Variants in ROBO1 observed in about 807,000 individuals in gnomAD.
The protein encoded by ROBO1 is roundabout homolog 1.
In ROBO1, 149 loss-of-function variants were observed where a neutral mutation model predicts 195.9. The ratio of observed to expected loss-of-function variants is 0.76; its 90% CI spans 0.67 to 0.87. The LOEUF (loss-of-function observed/expected upper bound fraction) is 0.87. Ranked by LOEUF, ROBO1 falls within the 40% of genes least tolerant of loss-of-function variation. The pLI, the probability that ROBO1 is intolerant of heterozygous loss-of-function variation, is 0.00. For synonymous variants in ROBO1, 816 were observed against 733.2 expected (o/e 1.11, Z -1.82); for missense variants, 1,933 against 2,068.3 (o/e 0.93, Z 1.27).
intron 1 of ROBO1, among the ~76,000 whole-genome samples, chr3:79,667,357 A>T (rs780849759): frequency 1.6e-4 from 24 of 151,838 alleles, no homozygotes; most frequent in Non-Finnish European, 2.9e-4. Context: ...TTTTCTTCTA[A>T]TCCAGTCTGT....
At chr3:79,218,397 A>C (rs1033200069) in intron 2 of ROBO1, among the ~76,000 whole-genome samples, 2 of 151,962 alleles carry the variant, frequency 1.3e-5, no homozygotes, top group Non-Finnish European at 2.9e-5. Context: ...CATTTCATGC[A>C]TGTATAGTAC....
At chr3:79,265,684 C>G (rs1411622170) in intron 2 of ROBO1, among the ~76,000 whole-genome samples, 3 of 151,338 alleles carry the variant, frequency 2.0e-5, no homozygotes, top group Admixed American at 2.0e-4. Context: ...CTTCATTTTT[C>G]AATCGAATAT....
chr3:78,948,747 T>C (rs904611795), intron 3 of ROBO1, among the ~76,000 whole-genome samples: 3 of 152,212 alleles, frequency 2.0e-5, no homozygotes, highest in Admixed American at 6.5e-5. Context: ...GATGACATGA[T>C]TGTATATCTA....
Position 78,631,154 on chromosome 3 carries a change from C to A in ROBO1, c.3626+7G>T, listed in dbSNP as rs756473920. 6.2e-7 allele frequency: 1 copy of A among 1,608,174 alleles called. No homozygotes were observed. On this transcript the variant is annotated splice_region_variant and intron_variant, in intron 25 of 30. Transcript: ENST00000464233. ...ACTGTTTACATCTGTTTGGATGCTC[C>A]TCTTACCTTTCATCTACAGAAATGT...
At chr3:79,302,503 A>G (rs1235357623) in intron 2 of ROBO1, among the ~76,000 whole-genome samples, 1 of 152,208 alleles carries the variant, frequency 6.6e-6, no homozygotes. Flanking sequence ...TATTTTATAC[A>G]TTCTGTGTAG....
chr3:78,972,774 C>T (rs111278275), intron 3 of ROBO1, among the ~76,000 whole-genome samples: 3 of 152,086 alleles, frequency 2.0e-5, no homozygotes, highest in Non-Finnish European at 2.9e-5. Context: ...TTCCATTCCT[C>T]GATCACAGTG....
chr3:79,420,398 A>G (rs1171639585), intron 2 of ROBO1, among the ~76,000 whole-genome samples: 1 of 152,116 alleles, frequency 6.6e-6, no homozygotes, highest in East Asian at 1.9e-4. Flanking sequence ...TCCATATCAA[A>G]TTTAGTGTTT....
At chr3:78,729,477 C>A (rs776860082) in intron 5 of ROBO1, among the ~76,000 whole-genome samples, 1 of 152,128 alleles carries the variant, frequency 6.6e-6, no homozygotes, top group Non-Finnish European at 1.5e-5. Flanking sequence ...CAATATGAAG[C>A]CTTGGGTATG....
At chr3:79,201,086 A>G (rs1039593388) in intron 2 of ROBO1, among the ~76,000 whole-genome samples, 2 of 151,800 alleles carry the variant, frequency 1.3e-5, no homozygotes, top group African/African-American at 2.4e-5. Flanking sequence ...TCCTTTACTT[A>G]TTCTTCTCAT....
At chr3:79,057,671 G>A (rs866889735) in intron 3 of ROBO1, among the ~76,000 whole-genome samples, 43 of 151,852 alleles carry the variant, frequency 2.8e-4, no homozygotes, top group Admixed American at 5.3e-4. Context: ...ACTGGATCTC[G>A]CTTACAATGG....
At chr3:78,841,777 A>G (rs1054313579) in intron 4 of ROBO1, among the ~76,000 whole-genome samples, 1 of 152,180 alleles carries the variant, frequency 6.6e-6, no homozygotes, top group East Asian at 1.9e-4. Context: ...CATACCAATC[A>G]ATAAGAAAAA....
intron 4 of ROBO1, among the ~76,000 whole-genome samples, chr3:78,900,005 CTA>C (rs1263764988): frequency 6.6e-6 from 1 of 152,128 alleles, no homozygotes; most frequent in African/African-American, 2.4e-5. Flanking sequence ...TCTCTGGGTA[CTA>C]GTCAGAAAAG....
At chr3:79,187,392 G>A (rs1442426750) in intron 2 of ROBO1, among the ~76,000 whole-genome samples, 1 of 151,934 alleles carries the variant, frequency 6.6e-6, no homozygotes, top group Non-Finnish European at 1.5e-5. Flanking sequence ...GGAGCTGCAT[G>A]GATCACAATC....
intron 1 of ROBO1, among the ~76,000 whole-genome samples, chr3:79,663,966 G>C (rs28651359): frequency 0.016 from 2,439 of 151,994 alleles, 63 homozygotes; most frequent in African/African-American, 0.056. Context: ...TACAAATTCA[G>C]TCCTTCCATT....
chr3:78,836,136 A>C (rs2106674849), intron 4 of ROBO1, among the ~76,000 whole-genome samples: 1 of 152,322 alleles, frequency 6.6e-6, no homozygotes, highest in South Asian at 2.1e-4. Flanking sequence ...GAAATGCCTT[A>C]ATTTTCATAT....
intron 2 of ROBO1, among the ~76,000 whole-genome samples, chr3:79,141,992 C>T (rs1300614448): frequency 1.3e-5 from 2 of 151,712 alleles, no homozygotes; most frequent in African/African-American, 4.8e-5. Flanking sequence ...GTGGGGATAT[C>T]TGCCAGCCTT....
At chr3:79,688,761 A>T (rs188617082) in intron 1 of ROBO1, among the ~76,000 whole-genome samples, 1 of 152,164 alleles carries the variant, frequency 6.6e-6, no homozygotes, top group African/African-American at 2.4e-5. Flanking sequence ...TATTAAAAAA[A>T]ATTCTCCCAG....
intron 2 of ROBO1, among the ~76,000 whole-genome samples, chr3:79,552,000 A>C (rs866446603): frequency 0.012 from 1,680 of 143,572 alleles, 14 homozygotes; most frequent in African/African-American, 0.041. Flanking sequence ...AAAAAAAAAA[A>C]AAAAAAAAAA....
intron 5 of ROBO1, among the ~76,000 whole-genome samples, chr3:78,722,606 T>C (rs893191494): frequency 1.1e-4 from 17 of 152,172 alleles, no homozygotes; most frequent in Middle Eastern, 3.2e-3. Flanking sequence ...AATAGCACCT[T>C]TGTTTTTCTA....
Sources: allele counts gnomAD v4.1 joint callset (sites outside exome capture counted in the v4.1 genomes callset), GRCh38; gene constraint gnomAD v4.1.1; transcripts MANE v1.5; gene names NCBI Gene and HGNC (gene_info 2026-07-23, HGNC 2026-07-21).